The following TMTC3 variants were observed in gnomAD, a reference collection of about 807,000 sequenced individuals.
TMTC3 encodes transmembrane O-mannosyltransferase targeting cadherins 3, also known as protein O-mannosyl-transferase TMTC3.
TMTC3 carries 52 observed loss-of-function variants against 92.2 expected under a neutral mutation model. The ratio of observed to expected loss-of-function variants is 0.56; its 90% CI spans 0.45 to 0.71. The LOEUF (loss-of-function observed/expected upper bound fraction) is 0.71, where lower values mean the gene tolerates loss of function less well. Among genes scored for constraint, TMTC3 ranks in the 30% least tolerant of loss-of-function variants. The pLI, the probability that TMTC3 is intolerant of heterozygous loss-of-function variation, is 0.00. For synonymous variants in TMTC3, 339 were observed against 363.3 expected, an observed-to-expected ratio of 0.93 and a Z score of 0.76; for missense variants, 896 against 1,057.1, an observed-to-expected ratio of 0.85 and a Z score of 2.11.
chr12:88,163,373 G>A (rs986798333), intron 6 of TMTC3, among the ~76,000 whole-genome samples: 5 of 152,102 alleles, frequency 3.3e-5, no homozygotes, highest in African/African-American at 1.2e-4. Context: ...TTCCTGGCTC[G>A]GTATATTTGG....
At chr12:88,153,585 A>AT in intron 3 of TMTC3, 76 bp downstream of exon 3, 1 of 769,418 alleles carries the variant, frequency 1.3e-6, no homozygotes, top group Non-Finnish European at 1.9e-6. Context: ...AATGGTATAT[A>AT]TTTTTAAGAA....
chr12:88,145,651 T>G (rs886922971), intron 1 of TMTC3, among the ~76,000 whole-genome samples: 1 of 152,146 alleles, frequency 6.6e-6, no homozygotes, highest in Non-Finnish European at 1.5e-5. Context: ...AGGGTAGATA[T>G]GGTAATCTAT....
At chr12:88,194,193 G>A (rs996830556) in intron 13 of TMTC3, among the ~76,000 whole-genome samples, 4 of 152,102 alleles carry the variant, frequency 2.6e-5, no homozygotes, top group African/African-American at 2.4e-5. Context: ...CTGCCCTCCA[G>A]CCTGAGTGAC....
At chr12:88,186,437 C>T (rs1326551753) in intron 10 of TMTC3, among the ~76,000 whole-genome samples, 3 of 152,060 alleles carry the variant, frequency 2.0e-5, no homozygotes, top group Non-Finnish European at 4.4e-5. Context: ...GAAAGAGACT[C>T]AACTAGGATT....
chr12:88,143,543 TCTTAA>T (rs2040818204), intron 1 of TMTC3, among the ~76,000 whole-genome samples: 3 of 152,356 alleles, frequency 2.0e-5, no homozygotes, highest in Admixed American at 6.5e-5. Context: ...GAGGACATAT[TCTTAA>T]CTTCTATACA....
chr12:88,148,094 A>T (rs914060206), intron 1 of TMTC3, among the ~76,000 whole-genome samples, 194 bp from the exon 2 acceptor site: 5 of 152,096 alleles, frequency 3.3e-5, no homozygotes, highest in African/African-American at 1.2e-4. Context: ...TGTCCCCGTT[A>T]TCAGGGACAT....
chr12:88,183,060 G>A (rs938240286), intron 10 of TMTC3, among the ~76,000 whole-genome samples: 1 of 152,210 alleles, frequency 6.6e-6, no homozygotes, highest in Non-Finnish European at 1.5e-5. Flanking sequence ...GGGAAATGAT[G>A]AAAATGGGCG....
intron 10 of TMTC3, among the ~76,000 whole-genome samples, chr12:88,188,521 T>C (rs2041403786): frequency 6.6e-6 from 1 of 152,232 alleles, no homozygotes; most frequent in Admixed American, 6.5e-5. Context: ...TTTATCTCTC[T>C]TATGTCTCAA....
intron 2 of TMTC3, among the ~76,000 whole-genome samples, chr12:88,149,035 T>C (rs539974782): frequency 1.2e-4 from 18 of 152,272 alleles, no homozygotes; most frequent in African/African-American, 4.3e-4. Context: ...TTTTAAAATA[T>C]GGCAACTTCA....
intron 10 of TMTC3, among the ~76,000 whole-genome samples, chr12:88,179,521 G>A (rs2041294237): frequency 6.6e-6 from 1 of 152,120 alleles, no homozygotes; most frequent in African/African-American, 2.4e-5. Flanking sequence ...CAATAAATAT[G>A]AGCTGGTAAG....
Position 88,195,334 on chromosome 12 carries a change from T to A in TMTC3, c.2430T>A (p.His810Gln), listed in dbSNP as rs1408411418. ...LAPHEEYIQR[H>Q]LNIVRDKISS... ...CACATGAAGAATATATTCAGCGCCA[T>A]TTGAATATAGTCAGGGATAAGATTT... Residue 810 changes from histidine to glutamine, a missense_variant, in exon 14 of 14, where the codon CAT becomes CAA. Transcript: ENST00000266712. The A allele has an allele frequency of 6.2e-7, 1 of 1,613,788 alleles. No homozygotes were observed. The highest frequency in any genetic ancestry group is 8.5e-7 in the Non-Finnish European group (1 of 1,179,868).
chr12:88,150,814 G>A (rs920814964), intron 2 of TMTC3, among the ~76,000 whole-genome samples: 1 of 152,042 alleles, frequency 6.6e-6, no homozygotes, highest in Non-Finnish European at 1.5e-5. Context: ...TATCTTACAA[G>A]AATTTTTGTA....
At chr12:88,164,249 A>G (rs2041117237) in intron 6 of TMTC3, among the ~76,000 whole-genome samples, 1 of 150,890 alleles carries the variant, frequency 6.6e-6, no homozygotes, top group Non-Finnish European at 1.5e-5. Context: ...GAGACCCTCT[A>G]CAGATGTCTC....
chr12:88,173,231 T>A, intron 8 of TMTC3: 1 of 432,612 alleles, frequency 2.3e-6, no homozygotes. Flanking sequence ...TCACACTGTA[T>A]ATATGCTTAG....
At chr12:88,159,052 CA>C (rs1179846619) in intron 4 of TMTC3, among the ~76,000 whole-genome samples, 364 of 57,620 alleles carry the variant, frequency 6.3e-3, no homozygotes, top group African/African-American at 0.019. Flanking sequence ...AACTCTGTCT[CA>C]AAAAAAAAAA....
intron 4 of TMTC3, among the ~76,000 whole-genome samples, chr12:88,154,969 AGTTCTT>A (rs1337406267): frequency 3.3e-5 from 5 of 152,174 alleles, no homozygotes; most frequent in African/African-American, 1.2e-4. Flanking sequence ...CAAACCTTTA[AGTTCTT>A]GGGGAAGGGG....
rs959713711 is a variant in TMTC3 at position 88,198,705 on chromosome 12, G to A, written c.*3056G>A. On this transcript the variant is annotated 3_prime_UTR_variant, in exon 14 of 14. Coordinates refer to ENST00000266712, the MANE Select transcript of TMTC3 (RefSeq NM_181783.4). Reference sequence around the variant, plus strand: ...ATCTAATTTGAACTCTCAACTTCATGTTACAGAATGCTTTAAAGATGCTTT... The same window carrying A: ...ATCTAATTTGAACTCTCAACTTCATATTACAGAATGCTTTAAAGATGCTTT... 13 of 298,832 alleles carry A rather than the reference G, an allele frequency of 4.4e-5. No homozygotes were observed. Among genetic ancestry groups the A allele is most frequent in the Non-Finnish European group, 7.3e-5 (12 of 164,326 alleles). The allele number at this position is 298,832 out of a possible 1,614,324, so 18.5% of individuals were successfully genotyped here. A position where few individuals can be genotyped will look rare whatever the true frequency, so the allele number is the denominator to read the frequency against.
chr12:88,173,024 T>G, intron 8 of TMTC3: 1 of 1,352,028 alleles, frequency 7.4e-7, no homozygotes, highest in Non-Finnish European at 9.7e-7. Flanking sequence ...TTACTGAGAA[T>G]AAAGTCTCAA....
chr12:88,153,304 A>G lies in TMTC3; in HGVS notation c.203A>G (p.Lys68Arg). 1 of 1,610,356 alleles carries G rather than the reference A, an allele frequency of 6.2e-7. No homozygotes were observed. The highest frequency in any genetic ancestry group is 8.5e-7 in the Non-Finnish European group (1 of 1,178,458). Residue 68 changes from lysine to arginine, a missense_variant, in exon 3 of 14, where the codon AAG becomes AGG. Transcript: ENST00000266712. ...TTTTCCTTGTAGGAGAGAAGCCACAAGTCTTACCGTCCCTTAACAGTATTG... is the reference window on the plus strand; with the variant it reads ...TTTTCCTTGTAGGAGAGAAGCCACAGGTCTTACCGTCCCTTAACAGTATTG... ...GTPMSEERSH[K>R]SYRPLTVLTF...
Sources: gnomAD v4.1 joint callset for allele counts (sites outside exome capture counted in the v4.1 genomes callset) on GRCh38, gnomAD v4.1.1 for gene constraint, MANE v1.5 for transcripts, NCBI Gene and HGNC (gene_info 2026-07-23, HGNC 2026-07-21) for gene names.